FAM135B: variants seen among roughly 807,000 people sequenced by gnomAD.
FAM135B encodes family with sequence similarity 135 member B, also known as protein FAM135B.
In FAM135B, 43 loss-of-function variants were observed where a neutral mutation model predicts 127.7. The observed-to-expected ratio is 0.34, with a 90% CI of 0.26 to 0.43. The LOEUF is 0.43. Ranked by LOEUF, FAM135B falls within the 20% of genes least tolerant of loss-of-function variation. The pLI is 1.00. For missense variants in FAM135B, 1,558 were observed against 1,725.6 expected, an observed-to-expected ratio of 0.90 and a Z score of 1.72; for synonymous variants, 670 against 665.1, an observed-to-expected ratio of 1.01 and a Z score of -0.11.
chr8:138,239,135 C>T (rs1043511628), intron 7 of FAM135B, among the ~76,000 whole-genome samples: 19 of 152,156 alleles, frequency 1.2e-4, no homozygotes, highest in African/African-American at 4.3e-4. Context: ...AGATGTGATC[C>T]CATTTCACAG....
At chr8:138,179,099 A>G (rs1249457405) in intron 9 of FAM135B, among the ~76,000 whole-genome samples, 1 of 152,088 alleles carries the variant, frequency 6.6e-6, no homozygotes, top group Non-Finnish European at 1.5e-5. Context: ...TATCCTGGAT[A>G]TCCCCTTTCA....
intron 3 of FAM135B, among the ~76,000 whole-genome samples, chr8:138,295,820 A>C (rs1743543647): frequency 6.6e-6 from 1 of 152,218 alleles, no homozygotes; most frequent in African/African-American, 2.4e-5. Flanking sequence ...CTGGAAGATA[A>C]AAGGCTTTGT....
chr8:138,173,056 G>T (rs888659327), intron 11 of FAM135B, among the ~76,000 whole-genome samples: 1 of 152,098 alleles, frequency 6.6e-6, no homozygotes, highest in African/African-American at 2.4e-5. Context: ...AGCGGGCTTT[G>T]CTTGGAAACC....
chr8:138,333,470 C>T (rs548212693), intron 2 of FAM135B, among the ~76,000 whole-genome samples: 2 of 152,150 alleles, frequency 1.3e-5, no homozygotes, highest in South Asian at 4.1e-4. Context: ...CCCTCCCTGA[C>T]CTCATGGGAA....
At position 138,317,374 on chromosome 8, in the gene FAM135B, G is replaced by A. The variant is rs535452408; in HGVS notation, c.78-6454C>T. Reference sequence around the variant, plus strand: ...GAGTGGATGGGAGAGAGAGGCAAGCGGGTGTGGCTATCAAAGAGCAACATA... The same window carrying A: ...GAGTGGATGGGAGAGAGAGGCAAGCAGGTGTGGCTATCAAAGAGCAACATA... On this transcript the variant is annotated intron_variant, in intron 2 of 19. Transcript: ENST00000395297. Among the ~76,000 whole-genome samples the A allele has an allele frequency of 3.3e-5, 5 of 152,130 alleles. No individual in the cohort carries two copies. The East Asian group carries it at 5.8e-4, about 18-fold the overall frequency.
At chr8:138,471,133 G>A (rs536376348) in intron 1 of FAM135B, among the ~76,000 whole-genome samples, 16 of 151,968 alleles carry the variant, frequency 1.1e-4, no homozygotes, top group African/African-American at 2.2e-4. Flanking sequence ...GCAGGATATC[G>A]TCTCCATTCT....
intron 2 of FAM135B, among the ~76,000 whole-genome samples, chr8:138,338,377 A>C (rs1828776865): frequency 6.6e-6 from 1 of 152,120 alleles, no homozygotes; most frequent in Admixed American, 6.5e-5. Context: ...AAGGGCTAAT[A>C]CCCAGAATCT....
chr8:138,164,013 A>G (rs1002898468), intron 12 of FAM135B, among the ~76,000 whole-genome samples: 3 of 152,210 alleles, frequency 2.0e-5, no homozygotes, highest in African/African-American at 7.2e-5. Context: ...ATTTTAACAT[A>G]GAAATGGAAA....
Position 138,141,425 on chromosome 8 carries a change from CA to C in FAM135B, c.3639-77del. 1 of 1,463,902 alleles carries C rather than the reference CA, an allele frequency of 6.8e-7. No homozygotes were observed. 90.7% of individuals were successfully genotyped at this position (1,463,902 alleles called of 1,614,324 possible). ...CCCAAGAGTGCAGTGCTGGAAGCAT[CA>C]GGGGCCATTGTTCTCCACCTCCCAC... is the stretch of plus-strand genomic sequence containing the variant. On this transcript the variant is annotated intron_variant, in intron 16 of 19. Transcript: ENST00000395297. This position sits in a 1 kb window ranked among gnomAD's most constrained non-coding sequence, Gnocchi z 4.7.
chr8:138,488,318 A>G (rs1020322032), intron 1 of FAM135B, among the ~76,000 whole-genome samples: 10 of 32,704 alleles, frequency 3.1e-4, no homozygotes, highest in African/African-American at 7.8e-4. Context: ...TGAGTACAGC[A>G]AAGTCCTTGC....
chr8:138,233,725 T>A (rs184251776), intron 7 of FAM135B, among the ~76,000 whole-genome samples: 305 of 152,100 alleles, frequency 2.0e-3, no homozygotes, highest in Non-Finnish European at 3.5e-3. Context: ...AGAGTGAAAA[T>A]GCAACCTGCA....
intron 17 of FAM135B, among the ~76,000 whole-genome samples, chr8:138,140,774 C>G (rs1380273384): frequency 1.3e-5 from 2 of 152,032 alleles, no homozygotes; most frequent in Non-Finnish European, 2.9e-5. Flanking sequence ...CACACATAAC[C>G]TCCATTTTAC....
intron 1 of FAM135B, among the ~76,000 whole-genome samples, chr8:138,423,756 T>C (rs1834668929): frequency 6.6e-6 from 1 of 152,162 alleles, no homozygotes; most frequent in African/African-American, 2.4e-5. Flanking sequence ...CCAAAATTTA[T>C]TAGGTGGGAA....
intron 2 of FAM135B, among the ~76,000 whole-genome samples, chr8:138,318,486 T>G (rs529821078): frequency 2.6e-5 from 4 of 152,320 alleles, no homozygotes; most frequent in African/African-American, 9.6e-5. Context: ...TATGCAATCT[T>G]GGTTGATCCC....
At chr8:138,345,023 T>G (rs979735160) in intron 2 of FAM135B, among the ~76,000 whole-genome samples, 5 of 152,132 alleles carry the variant, frequency 3.3e-5, no homozygotes, top group African/African-American at 1.2e-4. Flanking sequence ...TCTGTTTGGG[T>G]CATAACCATG....
At chr8:138,304,698 T>C (rs1826109023) in intron 3 of FAM135B, among the ~76,000 whole-genome samples, 1 of 152,198 alleles carries the variant, frequency 6.6e-6, no homozygotes, top group Admixed American at 6.5e-5. Context: ...AGGGCCCTAG[T>C]TGGCCAGCAG....
chr8:138,490,783 T>TA (rs1429902380), intron 1 of FAM135B, among the ~76,000 whole-genome samples: 1 of 152,104 alleles, frequency 6.6e-6, no homozygotes, highest in Non-Finnish European at 1.5e-5. Context: ...GAATATGACT[T>TA]AGAGAATATG....
At chr8:138,280,759 C>T (rs552568863) in intron 3 of FAM135B, among the ~76,000 whole-genome samples, 4 of 152,244 alleles carry the variant, frequency 2.6e-5, no homozygotes, top group African/African-American at 9.6e-5. Context: ...ATAGGAGTTA[C>T]ATCACTTGTC....
intron 12 of FAM135B, among the ~76,000 whole-genome samples, chr8:138,167,131 G>T (rs1476846544): frequency 6.6e-6 from 1 of 152,030 alleles, no homozygotes; most frequent in Non-Finnish European, 1.5e-5. Context: ...CAAGCAGACA[G>T]GGGGATAATG....
Sources: gnomAD v4.1 joint callset for allele counts (sites outside exome capture counted in the v4.1 genomes callset) on GRCh38, gnomAD v4.1.1 for gene constraint, Gnocchi (gnomAD v3.1) non-coding constraint, MANE v1.5 for transcripts, NCBI Gene and HGNC (gene_info 2026-07-23, HGNC 2026-07-21) for gene names.